TRPC5: variants seen among roughly 807,000 people sequenced by gnomAD.
TRPC5 encodes short transient receptor potential channel 5.
In TRPC5, 9 loss-of-function variants were observed where a neutral mutation model predicts 56.5. That is an observed-to-expected ratio of 0.16 (90% CI 0.10 to 0.28). The LOEUF is 0.28. Among genes scored for constraint, TRPC5 ranks in the 10% least tolerant of loss-of-function variants. TRPC5 has a pLI of 1.00. For synonymous variants in TRPC5, 282 were observed against 278.5 expected (o/e 1.01, Z -0.13); for missense variants, 469 against 748.9 (o/e 0.63, Z 4.36).
intron 1 of TRPC5, among the ~76,000 whole-genome samples, chrX:112,023,185 C>A (rs1344657487): frequency 9.5e-6 from 1 of 104,932 alleles, no homozygotes; most frequent in African/African-American, 3.5e-5. Flanking sequence ...CTGCAAGCGT[C>A]AGCCTCCCAA....
rs148925168 is a variant in TRPC5, at chrX:111,815,366, G to A, written c.1896+19555C>T. Among the ~76,000 whole-genome samples, 1,064 of 111,238 alleles carry A rather than the reference G, an allele frequency of 9.6e-3. 7 individuals are homozygous for A. The highest frequency in any genetic ancestry group is 0.023 in the Middle Eastern group (5 of 217). On this transcript the variant is annotated intron_variant, in intron 7 of 10. Coordinates refer to ENST00000262839, the MANE Select transcript of TRPC5 (RefSeq NM_012471.3). Reference sequence around the variant, plus strand: ...CTTCATTGTTTAACAAGCTTCTTTCGATGATTTTGATGCAGGTGGTCGCTG... The same window carrying A: ...CTTCATTGTTTAACAAGCTTCTTTCAATGATTTTGATGCAGGTGGTCGCTG...
intron 7 of TRPC5, among the ~76,000 whole-genome samples, chrX:111,801,517 C>T (rs1921310508): frequency 8.9e-6 from 1 of 111,938 alleles, no homozygotes; most frequent in East Asian, 2.8e-4. Context: ...CAGCAATATA[C>T]GAGGGTTCCA....
chrX:112,054,053 G>T (rs751649171), intron 1 of TRPC5, among the ~76,000 whole-genome samples: 2 of 112,192 alleles, frequency 1.8e-5, no homozygotes, highest in South Asian at 7.5e-4. Context: ...GTATTTAAAA[G>T]ATACATTCCA....
intron 7 of TRPC5, among the ~76,000 whole-genome samples, chrX:111,807,250 T>A (rs1310010283): frequency 9.0e-6 from 1 of 111,495 alleles, no homozygotes; most frequent in African/African-American, 3.3e-5. Flanking sequence ...TAGGGATGCT[T>A]CATTCTTTTT....
chrX:111,790,807 G>C (rs1946013646), intron 7 of TRPC5, among the ~76,000 whole-genome samples: 1 of 109,808 alleles, frequency 9.1e-6, no homozygotes, highest in Non-Finnish European at 1.9e-5. Flanking sequence ...ATCAGTTGAG[G>C]CCAAGAGTTC....
chrX:111,980,880 T>C (rs926899320), intron 1 of TRPC5, among the ~76,000 whole-genome samples: 1 of 102,732 alleles, frequency 9.7e-6, no homozygotes, highest in Non-Finnish European at 2.0e-5. Flanking sequence ...GCCTGAAGAC[T>C]GTGACTAATA....
intron 1 of TRPC5, among the ~76,000 whole-genome samples, chrX:111,980,321 G>A (rs768309323): frequency 1.1e-4 from 12 of 111,250 alleles, no homozygotes; most frequent in Non-Finnish European, 2.1e-4. Flanking sequence ...TGGATGATGG[G>A]GATGCAGAGG....
intron 1 of TRPC5, among the ~76,000 whole-genome samples, chrX:112,011,362 G>A (rs189266142): frequency 1.8e-5 from 2 of 111,119 alleles, no homozygotes; most frequent in African/African-American, 3.3e-5. Flanking sequence ...AGGGTTCTGC[G>A]GGATATGCAT....
chrX:111,868,871 G>A (rs1219767230), intron 3 of TRPC5, among the ~76,000 whole-genome samples: 4 of 111,704 alleles, frequency 3.6e-5, no homozygotes, highest in African/African-American at 1.3e-4. Flanking sequence ...ATAGAAATGG[G>A]CCCAATGTGT....
chrX:112,068,356 G>A (rs1430662589), intron 1 of TRPC5, among the ~76,000 whole-genome samples: 1 of 112,451 alleles, frequency 8.9e-6, no homozygotes, highest in Non-Finnish European at 1.9e-5. Context: ...CTTGGTAGCA[G>A]GCATTGTATG....
At chrX:111,835,790 A>G (rs754152439) in intron 6 of TRPC5, among the ~76,000 whole-genome samples, 6 of 111,582 alleles carry the variant, frequency 5.4e-5, no homozygotes, top group Non-Finnish European at 1.9e-5. Flanking sequence ...CATTTCTGAT[A>G]CTTCTTTTGT....
chrX:112,010,459 A>G (rs1419961662), intron 1 of TRPC5, among the ~76,000 whole-genome samples: 5 of 111,588 alleles, frequency 4.5e-5, no homozygotes, highest in African/African-American at 1.6e-4. Flanking sequence ...TGTGAACATC[A>G]TAGTGTGTAC....
At chrX:111,929,685 G>A (rs867302018) in intron 2 of TRPC5, among the ~76,000 whole-genome samples, 5 of 112,251 alleles carry the variant, frequency 4.5e-5, no homozygotes, top group South Asian at 7.4e-4. Flanking sequence ...TTTAATGTGC[G>A]TTTATCAGGT....
rs1945874972 is a variant in TRPC5 at position 111,776,039 on chromosome X, C to T, written c.*274G>A. On this transcript the variant is annotated 3_prime_UTR_variant, in exon 11 of 11. Coordinates refer to ENST00000262839, the MANE Select transcript of TRPC5 (RefSeq NM_012471.3). The stretch of plus-strand genomic sequence containing the variant: ...AAGCAAAGCAAAAAGGTTAAGCACC[C>T]AACTGCACCTCTGATGATTAGGTGC... 2 of 253,540 alleles carry T rather than the reference C, an allele frequency of 7.9e-6. No individual in the cohort carries two copies. Among genetic ancestry groups the T allele is most frequent in the South Asian group, 4.4e-4 (2 of 4,563 alleles). The allele number at this position is 253,540 out of a possible 1,213,427, so 20.9% of individuals were successfully genotyped here. A position where few individuals can be genotyped will look rare whatever the true frequency, so the allele number is the denominator to read the frequency against.
intron 7 of TRPC5, among the ~76,000 whole-genome samples, chrX:111,822,214 C>T (rs931587927): frequency 9.0e-6 from 1 of 111,212 alleles, no homozygotes; most frequent in African/African-American, 3.3e-5. Context: ...ATTCCTCAGG[C>T]GCATTTCCCT....
chrX:112,057,431 CT>C (rs1159033696), intron 1 of TRPC5, among the ~76,000 whole-genome samples: 1 of 111,835 alleles, frequency 8.9e-6, no homozygotes, highest in Non-Finnish European at 1.9e-5. Context: ...TTTGCTTACA[CT>C]TTTTTTATTA....
At chrX:111,792,432 C>G (rs1166038358) in intron 7 of TRPC5, among the ~76,000 whole-genome samples, 6 of 111,347 alleles carry the variant, frequency 5.4e-5, no homozygotes, top group Non-Finnish European at 1.1e-4. Context: ...TGTAACAAAC[C>G]TGCACATTCT....
chrX:111,805,817 C>T (rs992138363), intron 7 of TRPC5, among the ~76,000 whole-genome samples: 3 of 110,546 alleles, frequency 2.7e-5, no homozygotes, highest in South Asian at 3.9e-4. Flanking sequence ...GGACTACAGG[C>T]GCATACCACC....
At chrX:111,999,328 A>AT (rs913081116) in intron 1 of TRPC5, among the ~76,000 whole-genome samples, 8 of 108,694 alleles carry the variant, frequency 7.4e-5, no homozygotes, top group Middle Eastern at 9.4e-3. Context: ...CATGAGATGA[A>AT]TTTTTTTTTT....
Sources: gnomAD v4.1 joint callset for allele counts (sites outside exome capture counted in the v4.1 genomes callset) on GRCh38, gnomAD v4.1.1 for gene constraint, MANE v1.5 for transcripts, NCBI Gene and HGNC (gene_info 2026-07-23, HGNC 2026-07-21) for gene names.